Variants in DDX46 observed in about 807,000 individuals in gnomAD.
The protein encoded by DDX46 is DEAD-box helicase 46, also known as probable ATP-dependent RNA helicase DDX46.
In DDX46, 30 loss-of-function variants were observed where a neutral mutation model predicts 134.9. That is an observed-to-expected ratio of 0.22 (90% CI 0.17 to 0.30). The LOEUF is 0.30. Ranked by LOEUF, DDX46 falls within the 10% of genes least tolerant of loss-of-function variation. DDX46 has a pLI of 1.00. For synonymous variants in DDX46, 415 were observed against 404.1 expected (o/e 1.03, Z -0.32); for missense variants, 622 against 1,248.7 (o/e 0.50, Z 7.56).
At chr5:134,776,133 T>C (rs1753928009) in intron 5 of DDX46, among the ~76,000 whole-genome samples, 1 of 152,194 alleles carries the variant, frequency 6.6e-6, no homozygotes, top group Non-Finnish European at 1.5e-5. Context: ...GGTGCATGCC[T>C]GTAATCCCAG....
At position 134,769,541 on chromosome 5, in the gene DDX46, GT is replaced by G. The variant is rs1194092241; in HGVS notation, c.351-1346del. Among the ~76,000 whole-genome samples the G allele has an allele frequency of 4.8e-3, 540 of 113,286 alleles. 3 individuals are homozygous for G. The highest frequency in any genetic ancestry group is 7.8e-3 in the Non-Finnish European group (409 of 52,322). 74.3% of individuals were successfully genotyped at this position (113,286 alleles called of 152,430 possible). ...GAGACGGGGTTTGTTTTTTTTGTTT[GT>G]TTTTTTTTTTTTTTTGAGGTGAAGT... On this transcript the variant is annotated intron_variant, in intron 3 of 22. Coordinates refer to ENST00000452510, the MANE Select transcript of DDX46 (RefSeq NM_001300860.2).
intron 2 of DDX46, among the ~76,000 whole-genome samples, chr5:134,764,612 T>G (rs546606665): frequency 2.0e-5 from 3 of 152,198 alleles, no homozygotes. Flanking sequence ...TTGGAAACTT[T>G]AGGCTGTATT....
intron 15 of DDX46, among the ~76,000 whole-genome samples, chr5:134,800,879 T>C (rs778440170): frequency 6.6e-6 from 1 of 152,176 alleles, no homozygotes; most frequent in Non-Finnish European, 1.5e-5. Context: ...TGTCGTCATG[T>C]TGGTCAGGGT....
intron 15 of DDX46, chr5:134,797,064 C>T (rs1264374517): frequency 3.2e-5 from 7 of 215,756 alleles, no homozygotes; most frequent in African/African-American, 7.3e-5. Flanking sequence ...GCAGGAGAAT[C>T]GCTTGAACCC....
Position 134,816,486 on chromosome 5 carries a change from T to A in DDX46, c.2493T>A (p.Ala831=), listed in dbSNP as rs752913747. The part of the protein sequence containing the change: ...FNSKKRVKDM[A]APGTSSVPAP... ...CAAAGAAGAGAGTAAAGGATATGGCTGCTCCTGGAACATCAAGTGTTCCTG... is the reference window on the plus strand; with the variant it reads ...CAAAGAAGAGAGTAAAGGATATGGCAGCTCCTGGAACATCAAGTGTTCCTG... Residue 831 remains alanine, a synonymous_variant, in exon 19 of 23, where the codon GCT becomes GCA. Coordinates refer to ENST00000452510, the MANE Select transcript of DDX46 (RefSeq NM_001300860.2). 1.9e-6 allele frequency: 3 copies of A among 1,614,092 alleles called. No individual in the cohort carries two copies. In the Admixed American group the frequency reaches 5.0e-5, roughly 27 times the overall value.
chr5:134,769,541 GTTT>G (rs1194092241), intron 3 of DDX46, among the ~76,000 whole-genome samples: 2 of 113,314 alleles, frequency 1.8e-5, no homozygotes, highest in Non-Finnish European at 3.8e-5. Flanking sequence ...TTTTTTGTTT[GTTT>G]TTTTTTTTTT....
chr5:134,796,176 A>C (rs1561865140), intron 15 of DDX46, 26 bp downstream of exon 15: 1 of 1,609,424 alleles, frequency 6.2e-7, no homozygotes, highest in Non-Finnish European at 8.5e-7. Context: ...ATTCACACAT[A>C]AAATATCTAT....
chr5:134,785,595 A>G lies in DDX46; in HGVS notation c.1464+9A>G, dbSNP rs532229257. 338 of 1,596,162 alleles carry G rather than the reference A, an allele frequency of 2.1e-4. No homozygotes were observed. Among genetic ancestry groups the G allele is most frequent in the Non-Finnish European group, 2.7e-4 (316 of 1,173,530 alleles). ...CAGGAATCAGTGAGCAGGTAGTTATATAAGAAACATTCATGTTTTCCATTC... is the reference window on the plus strand; with the variant it reads ...CAGGAATCAGTGAGCAGGTAGTTATGTAAGAAACATTCATGTTTTCCATTC... On this transcript the variant is annotated intron_variant, in intron 11 of 22. Transcript: ENST00000452510.
At chr5:134,771,112 CTG>C in intron 4 of DDX46, 113 bp downstream of exon 4, 1 of 568,916 alleles carries the variant, frequency 1.8e-6, no homozygotes. Flanking sequence ...TCTTTTCTGT[CTG>C]TCTTTCTTTC....
In DDX46 at chr5:134,817,492, A is replaced by G. The variant is rs746339695; in HGVS notation, c.2614-4A>G. ...AGATTTAACTAAGTCTTCTTTAACT[A>G]CAGGATGTGATGCAGCAGGCCACCA... On this transcript the variant is annotated splice_region_variant and splice_polypyrimidine_tract_variant and intron_variant, in intron 19 of 22. Transcript: ENST00000452510. 1.2e-6 allele frequency: 2 copies of G among 1,612,924 alleles called. No homozygotes were observed. Among genetic ancestry groups the G allele is most frequent in the Admixed American group, 1.7e-5 (1 of 59,810 alleles).
At chr5:134,766,806 A>G (rs749481233) in intron 2 of DDX46, 111 bp from the exon 3 acceptor site, 4 of 1,296,822 alleles carry the variant, frequency 3.1e-6, no homozygotes, top group Non-Finnish European at 4.1e-6. Context: ...TGAGACCTCC[A>G]CCTTTAATAA....
At chr5:134,806,999 A>C (rs1321636613) in intron 15 of DDX46, among the ~76,000 whole-genome samples, 1 of 151,938 alleles carries the variant, frequency 6.6e-6, no homozygotes, top group Non-Finnish European at 1.5e-5. Context: ...AAGGTTTTTT[A>C]AAATGCAGAT....
At chr5:134,776,709 G>C (rs950038779) in intron 5 of DDX46, among the ~76,000 whole-genome samples, 2 of 152,036 alleles carry the variant, frequency 1.3e-5, no homozygotes, top group African/African-American at 4.8e-5. Context: ...AAGGTCAGGA[G>C]TTCGAGACCA....
intron 12 of DDX46, among the ~76,000 whole-genome samples, chr5:134,789,587 CT>C (rs550884743): frequency 0.029 from 4,286 of 146,712 alleles, 187 homozygotes; most frequent in African/African-American, 0.09. Context: ...TAAATAATCC[CT>C]TTTTTTTTTT....
chr5:134,809,597 G>A (rs1466571017), intron 16 of DDX46, among the ~76,000 whole-genome samples: 3 of 151,982 alleles, frequency 2.0e-5, no homozygotes, highest in Non-Finnish European at 4.4e-5. Context: ...GGATGGTCTC[G>A]ATCTCCTGAC....
At chr5:134,802,097 C>T (rs948318869) in intron 15 of DDX46, among the ~76,000 whole-genome samples, 1 of 147,928 alleles carries the variant, frequency 6.8e-6, no homozygotes, top group Non-Finnish European at 1.5e-5. Context: ...CTCACTGATG[C>T]TTTGTTCAGT....
intron 13 of DDX46, among the ~76,000 whole-genome samples, chr5:134,791,555 C>T (rs1424672508): frequency 4.8e-5 from 7 of 147,116 alleles, no homozygotes; most frequent in South Asian, 2.1e-4. Flanking sequence ...AGCGAGACTC[C>T]GTCTCAAAAA....
chr5:134,818,281 A>G (rs1755339163), intron 20 of DDX46, among the ~76,000 whole-genome samples: 1 of 151,358 alleles, frequency 6.6e-6, no homozygotes, highest in African/African-American at 2.4e-5. Context: ...TTTAGTAGAG[A>G]CGGGGTTTCT....
At chr5:134,797,265 C>T in intron 15 of DDX46, 1 of 221,282 alleles carries the variant, frequency 4.5e-6, no homozygotes, top group Non-Finnish European at 9.0e-6. Flanking sequence ...CTATCAGTAG[C>T]TTAGTAATGA....
Sources: allele counts gnomAD v4.1 joint callset (sites outside exome capture counted in the v4.1 genomes callset), GRCh38; gene constraint gnomAD v4.1.1; transcripts MANE v1.5; gene names NCBI Gene and HGNC (gene_info 2026-07-23, HGNC 2026-07-21).